The following KCNN2 variants were observed in gnomAD, a reference collection of about 807,000 sequenced individuals.
KCNN2 encodes small conductance calcium-activated potassium channel protein 2.
A neutral mutation model predicts 55.5 loss-of-function variants in KCNN2; 24 were observed. The ratio of observed to expected loss-of-function variants is 0.43; its 90% CI spans 0.31 to 0.61. The LOEUF (loss-of-function observed/expected upper bound fraction) is 0.61, where lower values mean the gene tolerates loss of function less well. Among genes scored for constraint, KCNN2 ranks in the 20% least tolerant of loss-of-function variants. The pLI is 0.08. For synonymous variants in KCNN2, 431 were observed against 336.1 expected (o/e 1.28, Z -3.09); for missense variants, 754 against 853.6 (o/e 0.88, Z 1.45).
At chr5:114,154,472 GATTTTATTACCT>G (rs1752590695) in intron 1 of KCNN2, among the ~76,000 whole-genome samples, 1 of 152,118 alleles carries the variant, frequency 6.6e-6, no homozygotes, top group African/African-American at 2.4e-5. Flanking sequence ...CCTCTGGATT[GATTTTATTACCT>G]ACTCTACAGG....
chr5:114,247,047 T>C (rs1455198946), intron 2 of KCNN2, among the ~76,000 whole-genome samples: 1 of 151,350 alleles, frequency 6.6e-6, no homozygotes, highest in Non-Finnish European at 1.5e-5. Flanking sequence ...CTCACGCCTG[T>C]AATCCCAGCA....
chr5:114,303,696 A>T (rs971762850), intron 2 of KCNN2, among the ~76,000 whole-genome samples: 1 of 152,214 alleles, frequency 6.6e-6, no homozygotes, highest in African/African-American at 2.4e-5. Context: ...ATACTTAATA[A>T]CTTAAGTTGC....
At chr5:114,449,558 G>A (rs1016523463) in intron 3 of KCNN2, among the ~76,000 whole-genome samples, 3 of 152,156 alleles carry the variant, frequency 2.0e-5, no homozygotes, top group Admixed American at 6.5e-5. Context: ...AGAGAAAAGC[G>A]AGGCTCAGAC....
rs1413777257 is a variant in KCNN2, at chr5:114,308,989, G to GT, written c.-184-51955dup. Among the ~76,000 whole-genome samples the GT allele has an allele frequency of 6.8e-4, 103 of 152,022 alleles. 1 individual carries two copies. The highest frequency in any genetic ancestry group is 1.6e-4 in the Non-Finnish European group (11 of 68,008). On this transcript the variant is annotated intron_variant, in intron 2 of 10. Coordinates refer to the KCNN2 transcript ENST00000512097. ...GTTATTGTACAGCTTTATTTACTCC[G>GT]TGACTCAAAATTATTAAAGAAATTG...
At chr5:114,200,069 G>A (rs1330822495) in intron 1 of KCNN2, among the ~76,000 whole-genome samples, 1 of 151,948 alleles carries the variant, frequency 6.6e-6, no homozygotes, top group Non-Finnish European at 1.5e-5. Flanking sequence ...TGATAGACAG[G>A]GAATTTTCAT....
intron 2 of KCNN2, among the ~76,000 whole-genome samples, chr5:114,398,008 G>A (rs1396412079): frequency 2.0e-5 from 3 of 152,034 alleles, no homozygotes; most frequent in African/African-American, 7.2e-5. Context: ...AGTTTCCTTT[G>A]CTCTGCAGAA....
intron 3 of KCNN2, among the ~76,000 whole-genome samples, chr5:114,456,738 C>T (rs1760942678): frequency 6.6e-6 from 1 of 152,036 alleles, no homozygotes; most frequent in Non-Finnish European, 1.5e-5. Flanking sequence ...GATTCTAAAC[C>T]TCATGGATAA....
intron 1 of KCNN2, among the ~76,000 whole-genome samples, chr5:114,192,732 A>G (rs1256597806): frequency 6.6e-6 from 1 of 152,136 alleles, no homozygotes; most frequent in East Asian, 1.9e-4. Context: ...GAGCCATGAA[A>G]TGTAAAGAAC....
At chr5:114,323,956 A>T (rs1338318148) in intron 2 of KCNN2, among the ~76,000 whole-genome samples, 2 of 152,090 alleles carry the variant, frequency 1.3e-5, no homozygotes, top group African/African-American at 2.4e-5. Flanking sequence ...TTAATATGTG[A>T]AACAGTGATA....
At chr5:114,143,655 C>A (rs904263582) in intron 1 of KCNN2, among the ~76,000 whole-genome samples, 1 of 152,208 alleles carries the variant, frequency 6.6e-6, no homozygotes, top group Non-Finnish European at 1.5e-5. Context: ...CGTGACTGCA[C>A]GTCCATTCAT....
chr5:114,071,496 C>T (rs1041733745), intron 1 of KCNN2, among the ~76,000 whole-genome samples: 4 of 152,176 alleles, frequency 2.6e-5, no homozygotes, highest in African/African-American at 9.7e-5. Context: ...GCATTTCCAA[C>T]TTCTATAGTA....
chr5:114,455,850 C>T (rs928070662), intron 3 of KCNN2, among the ~76,000 whole-genome samples: 6 of 152,190 alleles, frequency 3.9e-5, no homozygotes, highest in Non-Finnish European at 7.3e-5. Flanking sequence ...CTAATCCATA[C>T]AAGGTCCTAA....
At chr5:114,248,187 G>T (rs1434770337) in intron 2 of KCNN2, among the ~76,000 whole-genome samples, 1 of 152,186 alleles carries the variant, frequency 6.6e-6, no homozygotes, top group Non-Finnish European at 1.5e-5. Flanking sequence ...AAAGAGGGAA[G>T]TGTATATTAG....
chr5:114,475,348 A>G (rs1011445759), intron 5 of KCNN2, among the ~76,000 whole-genome samples: 22 of 151,982 alleles, frequency 1.4e-4, no homozygotes, highest in African/African-American at 5.1e-4. Flanking sequence ...ACTTCTACAC[A>G]CTAGATGCCA....
chr5:114,380,347 G>T (rs139162161), intron 2 of KCNN2, among the ~76,000 whole-genome samples: 1 of 152,320 alleles, frequency 6.6e-6, no homozygotes, highest in Non-Finnish European at 1.5e-5. Flanking sequence ...ACATGGTGCT[G>T]TCACAACAAT....
intron 2 of KCNN2, among the ~76,000 whole-genome samples, chr5:114,402,769 G>C (rs1046792462): frequency 6.6e-6 from 1 of 152,222 alleles, no homozygotes; most frequent in African/African-American, 2.4e-5. Flanking sequence ...GCACAGGTGG[G>C]TGGTGGCCAT....
chr5:114,149,235 G>A (rs1465559151), intron 1 of KCNN2, among the ~76,000 whole-genome samples: 1 of 152,092 alleles, frequency 6.6e-6, no homozygotes, highest in African/African-American at 2.4e-5. Flanking sequence ...TGAAAAGAGG[G>A]GAGAGTCAGA....
At chr5:114,076,196 T>A (rs1238770633) in intron 1 of KCNN2, among the ~76,000 whole-genome samples, 1 of 152,218 alleles carries the variant, frequency 6.6e-6, no homozygotes, top group Non-Finnish European at 1.5e-5. Context: ...ACGCCTCACC[T>A]ACCCTCCTCC....
At chr5:114,399,276 C>T (rs963565636) in intron 2 of KCNN2, among the ~76,000 whole-genome samples, 3 of 152,046 alleles carry the variant, frequency 2.0e-5, no homozygotes, top group African/African-American at 2.4e-5. Flanking sequence ...TTACCAAAAG[C>T]CTTTTCTGCA....
Sources: allele counts gnomAD v4.1 joint callset (sites outside exome capture counted in the v4.1 genomes callset), GRCh38; gene constraint gnomAD v4.1.1; transcripts MANE v1.5; gene names NCBI Gene and HGNC (gene_info 2026-07-23, HGNC 2026-07-21).